The following LRIG3 variants were observed in gnomAD, a reference collection of about 807,000 sequenced individuals.
The protein encoded by LRIG3 is leucine-rich repeats and immunoglobulin-like domains protein 3.
Under a neutral mutation model 114.5 loss-of-function variants are expected in LRIG3, and 76 were observed. The ratio of observed to expected loss-of-function variants is 0.66; its 90% CI spans 0.55 to 0.80. LRIG3 has a LOEUF of 0.80. Among genes scored for constraint, LRIG3 ranks in the 30% least tolerant of loss-of-function variants. The pLI is 0.00. For synonymous variants in LRIG3, 512 were observed against 519.8 expected, an observed-to-expected ratio of 0.98 and a Z score of 0.20; for missense variants, 1,239 against 1,382.8, an observed-to-expected ratio of 0.90 and a Z score of 1.65.
chr12:58,874,388 C>G, intron 17 of LRIG3, 42 bp downstream of exon 17: 1 of 1,611,052 alleles, frequency 6.2e-7, no homozygotes, highest in Non-Finnish European at 8.5e-7. Flanking sequence ...CTAGAAGTCT[C>G]TCTAAGAAAC....
chr12:58,885,545 TTAAA>T (rs1215222540), intron 10 of LRIG3, among the ~76,000 whole-genome samples: 4 of 152,102 alleles, frequency 2.6e-5, no homozygotes, highest in Admixed American at 6.5e-5. Flanking sequence ...TTTTTTTTAA[TTAAA>T]TAATCACTGT....
chr12:58,908,815 T>C (rs1872166513), intron 3 of LRIG3, among the ~76,000 whole-genome samples: 1 of 152,214 alleles, frequency 6.6e-6, no homozygotes, highest in African/African-American at 2.4e-5. Context: ...TCATAGATAA[T>C]GTAATTCATA....
intron 16 of LRIG3, among the ~76,000 whole-genome samples, chr12:58,875,329 A>C (rs976077928): frequency 5.9e-5 from 9 of 152,166 alleles, no homozygotes; most frequent in Non-Finnish European, 1.0e-4. Flanking sequence ...AACGGGTCTA[A>C]CCAGAATACT....
chr12:58,912,588 G>C (rs1195216933), intron 3 of LRIG3, among the ~76,000 whole-genome samples: 1 of 152,170 alleles, frequency 6.6e-6, no homozygotes, highest in Non-Finnish European at 1.5e-5. Context: ...ATGCCAAAGA[G>C]TAGACTGCTT....
intron 3 of LRIG3, among the ~76,000 whole-genome samples, chr12:58,906,314 G>C (rs184082216): frequency 1.1e-4 from 16 of 152,210 alleles, no homozygotes; most frequent in African/African-American, 3.6e-4. Flanking sequence ...TCTACTGCAC[G>C]TTACTAAGAG....
At position 58,877,734 on chromosome 12, in the gene LRIG3, A is replaced by T; in HGVS notation, c.2202T>A (p.Asp734Glu). 6.2e-7 allele frequency: 1 copy of T among 1,614,218 alleles called. No homozygotes were observed. The stretch of plus-strand genomic sequence containing the variant: ...GCCTCTCGGTTACCACCAATGGGCT[A>T]TCATCTTTGGTCCAGTTCAGTTTAG... ...PPPKLNWTKD[D>E]SPLVVTERHF... is the part of the protein sequence containing the mutation. The change falls in exon 15 of 19, where the codon GAT becomes GAA. Residue 734 changes from aspartate (D) to glutamate (E), a missense_variant. Transcript: ENST00000320743.
rs1048351074 is a variant in LRIG3 at position 58,890,156 on chromosome 12, G to C, written c.516-17C>G. 3 of 1,611,260 alleles carry C rather than the reference G, an allele frequency of 1.9e-6. No homozygotes were observed. The highest frequency in any genetic ancestry group is 2.5e-6 in the Non-Finnish European group (3 of 1,178,040). On this transcript the variant is annotated splice_polypyrimidine_tract_variant and intron_variant, in intron 4 of 18. Coordinates refer to ENST00000320743, the MANE Select transcript of LRIG3 (RefSeq NM_153377.5). ...TTGAGATACCTGTTGAAAGTTTAAAGATGAGCTTCTCCTTCTGATTTATTT... is the reference window on the plus strand; with the variant it reads ...TTGAGATACCTGTTGAAAGTTTAAACATGAGCTTCTCCTTCTGATTTATTT...
rs886416299 is a variant in LRIG3 at position 58,893,939 on chromosome 12, T to C, written c.384-3143A>G. Among the ~76,000 whole-genome samples, 73 of 152,284 alleles carry C rather than the reference T, an allele frequency of 4.8e-4. 1 individual carries two copies. The highest frequency in any genetic ancestry group is 1.7e-3 in the African/African-American group (71 of 41,562). On this transcript the variant is annotated intron_variant, in intron 3 of 18. Transcript: ENST00000320743. Reference sequence around the variant, plus strand: ...CAAAAACAAAACACTCAGCTATGGATGTGTGCAATAAACAAAGCAAATTAG... The same window carrying C: ...CAAAAACAAAACACTCAGCTATGGACGTGTGCAATAAACAAAGCAAATTAG...
Position 58,882,727 on chromosome 12 carries a change from A to G in LRIG3, c.1480+142T>C, listed in dbSNP as rs1321874845. 8.7e-6 allele frequency: 7 copies of G among 803,822 alleles called. No homozygotes were observed. In the African/African-American group the frequency reaches 1.1e-4, roughly 12 times the overall value. The allele number at this position is 803,822 out of a possible 1,614,324, so 49.8% of individuals were successfully genotyped here. A position where few individuals can be genotyped will look rare whatever the true frequency, so the allele number is the denominator to read the frequency against. ...TCTGTGAAATTAAAATAATCAGCAA[A>G]CTATAGACCCATTTTCCTCTACCTC... On this transcript the variant is annotated intron_variant, in intron 12 of 18. Coordinates refer to ENST00000320743, the MANE Select transcript of LRIG3 (RefSeq NM_153377.5).
chr12:58,873,527 A>AAT (rs1237660259), intron 18 of LRIG3: 4 of 159,344 alleles, frequency 2.5e-5, no homozygotes, highest in Admixed American at 2.3e-4. Flanking sequence ...TTCACTACCT[A>AAT]ATCTCAGTGC....
At chr12:58,898,216 G>A (rs886916934) in intron 3 of LRIG3, among the ~76,000 whole-genome samples, 1 of 147,958 alleles carries the variant, frequency 6.8e-6, no homozygotes, top group Non-Finnish European at 1.5e-5. Context: ...GCTCCCCAGA[G>A]AGGAGATTTA....
chr12:58,913,953 C>T (rs1872377523), intron 3 of LRIG3, 29 bp downstream of exon 3: 1 of 1,589,068 alleles, frequency 6.3e-7, no homozygotes, highest in Non-Finnish European at 8.6e-7. Flanking sequence ...TGCAAACATA[C>T]ATGAGGAATT....
At chr12:58,873,679 AG>A (rs1725383683) in intron 18 of LRIG3, 1 of 235,210 alleles carries the variant, frequency 4.3e-6, no homozygotes. Flanking sequence ...GGAAGCCACC[AG>A]ACATACCAAA....
intron 1 of LRIG3, among the ~76,000 whole-genome samples, chr12:58,916,655 C>G (rs1004472226): frequency 1.3e-5 from 2 of 152,128 alleles, no homozygotes; most frequent in Non-Finnish European, 2.9e-5. Context: ...ATCTTCCCCA[C>G]AAAACTTTTA....
chr12:58,901,445 G>T (rs1871845318), intron 3 of LRIG3, among the ~76,000 whole-genome samples: 2 of 152,114 alleles, frequency 1.3e-5, no homozygotes, highest in Non-Finnish European at 2.9e-5. Flanking sequence ...GCATTTTCCA[G>T]TATAACAGCC....
In LRIG3 at chr12:58,890,137, T is replaced by C. The variant is rs1871406370; in HGVS notation, c.518A>G (p.Tyr173Cys). The change falls in exon 5 of 19, where the codon TAT becomes TGT. Residue 173 changes from tyrosine (Y) to cysteine (C), a missense_variant and splice_region_variant. Physicochemically the swap from Tyr to Cys is radical, Grantham distance 194. Coordinates refer to ENST00000320743, the MANE Select transcript of LRIG3 (RefSeq NM_153377.5). Reference sequence around the variant, plus strand: ...TGATGTGACTCGGTTGCTGTTGAGATACCTGTTGAAAGTTTAAAGATGAGC... The same window carrying C: ...TGATGTGACTCGGTTGCTGTTGAGACACCTGTTGAAAGTTTAAAGATGAGC... ...AFPALQLKYL[Y>C]LNSNRVTSME... The C allele has an allele frequency of 1.2e-6, 2 of 1,613,192 alleles. No individual in the cohort carries two copies. The highest frequency in any genetic ancestry group is 1.7e-5 in the Admixed American group (1 of 59,976).
intron 1 of LRIG3, among the ~76,000 whole-genome samples, chr12:58,915,539 CT>C (rs1378221252): frequency 6.6e-6 from 1 of 151,914 alleles, no homozygotes; most frequent in African/African-American, 2.4e-5. Context: ...AACCTGGATT[CT>C]CTTTTTCACC....
intron 3 of LRIG3, among the ~76,000 whole-genome samples, chr12:58,895,688 T>A (rs963879682): frequency 6.6e-6 from 1 of 152,122 alleles, no homozygotes. Flanking sequence ...CAATATCACA[T>A]GTACATTTTA....
intron 1 of LRIG3, among the ~76,000 whole-genome samples, chr12:58,914,765 T>C (rs1029977567): frequency 3.3e-5 from 5 of 152,246 alleles, no homozygotes; most frequent in Non-Finnish European, 5.9e-5. Context: ...AATGTCCTTA[T>C]TGCAGTCAAG....
Sources: allele counts gnomAD v4.1 joint callset (sites outside exome capture counted in the v4.1 genomes callset), GRCh38; gene constraint gnomAD v4.1.1; transcripts MANE v1.5; gene names NCBI Gene and HGNC (gene_info 2026-07-23, HGNC 2026-07-21).